Variants in SPTBN5 observed in about 807,000 individuals in gnomAD.
SPTBN5 encodes spectrin beta chain, non-erythrocytic 5.
Under a neutral mutation model 477.6 loss-of-function variants are expected in SPTBN5, and 513 were observed. The ratio of observed to expected loss-of-function variants is 1.07; its 90% confidence interval spans 1.00 to 1.16. SPTBN5 has a LOEUF of 1.16. SPTBN5 is among the 50% of genes most tolerant of loss of function. The pLI is 0.00. For missense variants in SPTBN5, 5,062 were observed against 4,731.8 expected (o/e 1.07, Z -2.05); for synonymous variants, 2,169 against 2,011.7 (o/e 1.08, Z -2.09).
Position 41,856,539 on chromosome 15 carries a change from C to T in SPTBN5, c.8868G>A (p.Gly2956=). The T allele has an allele frequency of 8.7e-6, 14 of 1,602,010 alleles. No homozygotes were observed. The highest frequency in any genetic ancestry group is 1.2e-5 in the Non-Finnish European group (14 of 1,176,378). The part of the protein sequence containing the change: ...EALTRVVLGT[G]YKLVQAGHFA... ...AGTGCCCAGCCTGCACCAGCTTGTA[C>T]CCAGTGCCCAGCACCACCCGGGTCA... Residue 2956 remains glycine (G), a synonymous_variant, in exon 53 of 68, where the codon GGG becomes GGA. Coordinates refer to ENST00000320955, the MANE Select transcript of SPTBN5 (RefSeq NM_016642.4).
At position 41,851,365 on chromosome 15, in the gene SPTBN5, C is replaced by G; in HGVS notation, c.10661G>C (p.Ser3554Thr). The change falls in exon 64 of 68, where the codon AGC becomes ACC. Residue 3554 changes from serine (S) to threonine (T), a missense_variant. Transcript: ENST00000320955. ...QHLLPGGRQP[S>T]SSSWDSCRGN... ...GCGGCAGCTGTCCCAGGAGCTCGAGCTAGGCTGTGGAGAGGAGGCGGGAAG... is the reference window on the plus strand; with the variant it reads ...GCGGCAGCTGTCCCAGGAGCTCGAGGTAGGCTGTGGAGAGGAGGCGGGAAG... 1 of 1,550,790 alleles carries G rather than the reference C, an allele frequency of 6.4e-7. No individual in the cohort carries two copies. The highest frequency in any genetic ancestry group is 8.7e-7 in the Non-Finnish European group (1 of 1,146,910).
chr15:41,893,468 C>T lies in SPTBN5; in HGVS notation c.30G>A (p.Glu10=), dbSNP rs766943638. MAGQPHSPR[E]LLGAAGHRSR... Reference sequence around the variant, plus strand: ...TGCGGTGCCCTGCAGCCCCGAGGAGCTCCCGGGGACTGTGGGGCTGACCAG... The same window carrying T: ...TGCGGTGCCCTGCAGCCCCGAGGAGTTCCCGGGGACTGTGGGGCTGACCAG... Residue 10 remains glutamate (E), a synonymous_variant, in exon 2 of 68, where the codon GAG becomes GAA. Coordinates refer to ENST00000320955, the MANE Select transcript of SPTBN5 (RefSeq NM_016642.4). 78 of 1,598,968 alleles carry T rather than the reference C, an allele frequency of 4.9e-5. No homozygotes were observed. The highest frequency in any genetic ancestry group is 6.1e-5 in the Non-Finnish European group (72 of 1,175,242).
chr15:41,887,901 G>GGGT, intron 5 of SPTBN5, 27 bp downstream of exon 5: 3 of 1,596,544 alleles, frequency 1.9e-6, no homozygotes, highest in Non-Finnish European at 2.6e-6. Flanking sequence ...AGTGGGCAGA[G>GGGT]GCCTCCTGAC....
At position 41,871,523 on chromosome 15, in the gene SPTBN5, G is replaced by A; in HGVS notation, c.5302-3C>T. ...TTTGCAAACTTGGTGCAGAGGTGCTGAGAAGAGGGGAGTGGGTGACAGGGT... is the reference window on the plus strand; with the variant it reads ...TTTGCAAACTTGGTGCAGAGGTGCTAAGAAGAGGGGAGTGGGTGACAGGGT... On this transcript the variant is annotated splice_region_variant and splice_polypyrimidine_tract_variant and intron_variant, in intron 28 of 67. Transcript: ENST00000320955. 6.8e-7 allele frequency: 1 copy of A among 1,470,560 alleles called. No homozygotes were observed. Among genetic ancestry groups the A allele is most frequent in the Non-Finnish European group, 9.1e-7 (1 of 1,104,938 alleles). The allele number at this position is 1,470,560 out of a possible 1,614,324, so 91.1% of individuals were successfully genotyped here.
chr15:41,864,085 C>T, intron 39 of SPTBN5, 61 bp from the exon 40 acceptor site: 1 of 1,430,832 alleles, frequency 7.0e-7, no homozygotes, highest in South Asian at 1.2e-5. Context: ...TTCTTCCCAC[C>T]TCAGCAGGCA....
At chr15:41,862,003 A>T in intron 44 of SPTBN5, 80 bp from the exon 45 acceptor site, 1 of 1,534,134 alleles carries the variant, frequency 6.5e-7, no homozygotes, top group Non-Finnish European at 8.7e-7. Context: ...GCAGCTGAGG[A>T]GCGGGAGGCT....
At position 41,892,198 on chromosome 15, in the gene SPTBN5, C is replaced by T. The variant is rs572985402; in HGVS notation, c.384+696G>A. Among the ~76,000 whole-genome samples the T allele has an allele frequency of 7.2e-5, 11 of 152,292 alleles. No homozygotes were observed. In the South Asian group the frequency reaches 1.9e-3, roughly 26 times the overall value. On this transcript the variant is annotated intron_variant, in intron 3 of 67. Transcript: ENST00000320955. ...ATAGGCACGCACAGTCAGGCTCCAT[C>T]CAGCCAGGCCCAGCTCAGTGACTTC...
chr15:41,867,081 C>T lies in SPTBN5; in HGVS notation c.6358G>A (p.Val2120Met). The change falls in exon 36 of 68, where the codon GTG becomes ATG. Residue 2120 changes from valine to methionine, a missense_variant. Transcript: ENST00000320955. ...AGCAGGATGGGAAGCCGGTCCCGCA[C>T]CCGGGGGCGCCGGAGCGTCTTCAGC... ...ERLKTLRRPR[V>M]RDRLPILLQR... The T allele has an allele frequency of 1.9e-6, 3 of 1,546,414 alleles. No individual in the cohort carries two copies. Among genetic ancestry groups the T allele is most frequent in the Non-Finnish European group, 2.6e-6 (3 of 1,147,190 alleles).
In SPTBN5 at chr15:41,860,329, A is replaced by C. The variant is rs537734174; in HGVS notation, c.7988+257T>G. ...TGATTTCCTCTTGGTCTCCTAGCATAAGCCTCTCTTTAAACTCCCTTTGAT... is the reference window on the plus strand; with the variant it reads ...TGATTTCCTCTTGGTCTCCTAGCATCAGCCTCTCTTTAAACTCCCTTTGAT... On this transcript the variant is annotated intron_variant, in intron 47 of 67. Coordinates refer to ENST00000320955, the MANE Select transcript of SPTBN5 (RefSeq NM_016642.4). 3.3e-5 allele frequency among the ~76,000 whole-genome samples: 5 copies of C among 152,356 alleles called. No homozygotes were observed. In the East Asian group the frequency reaches 9.7e-4, roughly 29 times the overall value.
At chr15:41,870,091 C>T (rs1393082555) in intron 31 of SPTBN5, 71 bp from the exon 32 acceptor site, 54 of 1,451,978 alleles carry the variant, frequency 3.7e-5, no homozygotes, top group Non-Finnish European at 4.9e-5. Flanking sequence ...GTATCCCTTG[C>T]CTGGGAACTC....
intron 51 of SPTBN5, 22 bp downstream of exon 51, chr15:41,857,216 C>A: frequency 6.4e-7 from 1 of 1,572,160 alleles, no homozygotes. Context: ...GGAAGAGAAG[C>A]TGAGGGCACG....
chr15:41,865,461 G>C (rs1039074980), intron 39 of SPTBN5, among the ~76,000 whole-genome samples: 7 of 152,186 alleles, frequency 4.6e-5, no homozygotes, highest in South Asian at 2.1e-4. Flanking sequence ...CAAAGCTGAC[G>C]TTGGTGTAAT....
intron 18 of SPTBN5, 37 bp from the exon 19 acceptor site, chr15:41,876,985 A>G (rs369085063): frequency 1.8e-5 from 29 of 1,585,526 alleles, no homozygotes; most frequent in Non-Finnish European, 2.2e-5. Context: ...GCCTGGGAGA[A>G]TGGGGGTCAG....
chr15:41,882,378 T>G lies in SPTBN5; in HGVS notation c.2138A>C (p.Gln713Pro). 7.2e-6 allele frequency: 11 copies of G among 1,537,320 alleles called. No individual in the cohort carries two copies. Among genetic ancestry groups the G allele is most frequent in the Non-Finnish European group, 9.6e-6 (11 of 1,147,426 alleles). ...RDLSARRPPT[Q>P]PDPGERAEAV... ...CTCTGCCCGTTCCCCGGGATCCGGC[T>G]GCGTTGGGGGCCTGCGGGCGCTGAG... The change falls in exon 11 of 68, where the codon CAG (glutamine) becomes CCG (proline). Residue 713 changes from glutamine (Q) to proline (P), a missense_variant. Transcript: ENST00000320955.
rs202051725 is a variant in SPTBN5, at chr15:41,878,379, G to C, written c.3433C>G (p.Gln1145Glu). The C allele has an allele frequency of 6.7e-4, 1,079 of 1,613,728 alleles. 8 individuals are homozygous for C. Among genetic ancestry groups the C allele is most frequent in the Middle Eastern group, 6.6e-4 (4 of 6,062 alleles). ...ASAQRLLREH[Q>E]DLLEEIHLWQ... Reference sequence around the variant, plus strand: ...AGGTGGATCTCCTCCAGCAGGTCTTGGTGCTCCCTCAGCAGCCGCTGAGCC... The same window carrying C: ...AGGTGGATCTCCTCCAGCAGGTCTTCGTGCTCCCTCAGCAGCCGCTGAGCC... The change falls in exon 17 of 68, where the codon CAA becomes GAA. Residue 1145 changes from glutamine to glutamate, a missense_variant. Transcript: ENST00000320955.
intron 29 of SPTBN5, 100 bp from the exon 30 acceptor site, chr15:41,870,660 A>G: frequency 1.0e-6 from 1 of 979,060 alleles, no homozygotes; most frequent in Non-Finnish European, 1.5e-6. Flanking sequence ...TCTGAGTTGT[A>G]TCGGGACTTG....
chr15:41,851,717 G>C (rs184159799), intron 63 of SPTBN5, 62 bp downstream of exon 63: 17 of 1,312,606 alleles, frequency 1.3e-5, no homozygotes, highest in East Asian at 2.3e-5. Context: ...ATGGCTCTTC[G>C]AGCCACTCAA....
At chr15:41,888,232 T>A in intron 4 of SPTBN5, 147 bp from the exon 5 acceptor site, 1 of 813,798 alleles carries the variant, frequency 1.2e-6, no homozygotes, top group Non-Finnish European at 1.9e-6. Flanking sequence ...CTTCAGAGTA[T>A]CTGATTTTGC....
At chr15:41,864,135 T>C (rs971834972) in intron 39 of SPTBN5, 111 bp from the exon 40 acceptor site, 4 of 922,466 alleles carry the variant, frequency 4.3e-6, no homozygotes, top group Non-Finnish European at 6.5e-6. Flanking sequence ...AGGAACTGCA[T>C]ATTTGGGCAG....
Sources: allele counts gnomAD v4.1 joint callset (sites outside exome capture counted in the v4.1 genomes callset), GRCh38; gene constraint gnomAD v4.1.1; transcripts MANE v1.5; gene names NCBI Gene and HGNC (gene_info 2026-07-23, HGNC 2026-07-21).